Variants in TNS3 observed in about 807,000 individuals in gnomAD.
TNS3 encodes the protein tensin-3.
TNS3 carries 45 observed loss-of-function variants against 140.9 expected under a neutral mutation model. That is an observed-to-expected ratio of 0.32 (90% CI 0.25 to 0.41). The LOEUF (loss-of-function observed/expected upper bound fraction) is 0.41. Among genes scored for constraint, TNS3 ranks in the 10% least tolerant of loss-of-function variants. TNS3 has a pLI of 1.00. For synonymous variants in TNS3, 815 were observed against 788.4 expected, an observed-to-expected ratio of 1.03 and a Z score of -0.56; for missense variants, 1,716 against 1,906.7, an observed-to-expected ratio of 0.90 and a Z score of 1.86.
chr7:47,289,491 G>A (rs1402246394), intron 27 of TNS3, among the ~76,000 whole-genome samples: 1 of 152,144 alleles, frequency 6.6e-6, no homozygotes, highest in African/African-American at 2.4e-5. Flanking sequence ...GGGCCACTAC[G>A]ACTGCATCTA....
rs774074328 is a variant in TNS3 at position 47,303,036 on chromosome 7, G to C, written c.3371C>G (p.Pro1124Arg). Residue 1124 changes from proline to arginine, a missense_variant, in exon 22 of 31, where the codon CCG becomes CGG. This residue lies in a region of TNS3 where 1,163 missense variants were observed against 1,182.1 expected (regional missense o/e 0.98). Transcript: ENST00000311160. ...VSPSSSGFSS[P>R]HSGSTISIPF... ...GATACTGATGGTGCTCCCGCTGTGC[G>C]GGCTGGAGAAGCCACTGGAGGAGGG... 1.2e-5 allele frequency: 19 copies of C among 1,614,034 alleles called. No homozygotes were observed. The highest frequency in any genetic ancestry group is 2.2e-5 in the East Asian group (1 of 44,896).
intron 10 of TNS3, among the ~76,000 whole-genome samples, chr7:47,416,364 C>T (rs1172934530): frequency 6.6e-6 from 1 of 152,152 alleles, no homozygotes; most frequent in African/African-American, 2.4e-5. Flanking sequence ...GTCCCTTATT[C>T]AAGCAGTTAA....
chr7:47,291,150 A>G (rs1345877698), intron 27 of TNS3, among the ~76,000 whole-genome samples: 5 of 152,222 alleles, frequency 3.3e-5, no homozygotes, highest in Non-Finnish European at 1.5e-5. Context: ...GACAATAAAA[A>G]TATGAGTGGT....
intron 4 of TNS3, among the ~76,000 whole-genome samples, chr7:47,474,989 C>T (rs1797133367): frequency 6.6e-6 from 1 of 151,044 alleles, no homozygotes; most frequent in South Asian, 2.1e-4. Context: ...CACTGCAACG[C>T]ACTCAAAGCA....
chr7:47,533,123 A>ATTT (rs35691609), intron 1 of TNS3, among the ~76,000 whole-genome samples: 1 of 88,816 alleles, frequency 1.1e-5, no homozygotes, highest in African/African-American at 6.3e-5. Flanking sequence ...ATATATATAT[A>ATTT]TTTTTTTTTT....
chr7:47,565,843 GC>G (rs1800417219), intron 1 of TNS3, among the ~76,000 whole-genome samples: 1 of 152,172 alleles, frequency 6.6e-6, no homozygotes, highest in Non-Finnish European at 1.5e-5. Flanking sequence ...GGTTCAGGGA[GC>G]TAAAAGGAGT....
intron 16 of TNS3, among the ~76,000 whole-genome samples, chr7:47,381,676 C>A (rs1027650379): frequency 3.9e-5 from 6 of 152,182 alleles, no homozygotes; most frequent in Non-Finnish European, 8.8e-5. Context: ...CCCGAGATGG[C>A]CACATTGGCA....
chr7:47,275,967 C>T lies in TNS3; in HGVS notation c.*2109G>A, dbSNP rs1784853408. 1 of 427,446 alleles carries T rather than the reference C, an allele frequency of 2.3e-6. No homozygotes were observed. The highest frequency in any genetic ancestry group is 4.7e-6 in the Non-Finnish European group (1 of 211,972). 26.5% of individuals were successfully genotyped at this position (427,446 alleles called of 1,614,324 possible). A position where few individuals can be genotyped will look rare whatever the true frequency, so the allele number is the denominator to read the frequency against. ...CTAAATGAGCTCTCTCATCCTTCAT[C>T]AGAAGGATAAGGAACCTGGCCTGCA... is the stretch of plus-strand genomic sequence containing the variant. On this transcript the variant is annotated 3_prime_UTR_variant, in exon 31 of 31. Transcript: ENST00000311160.
chr7:47,325,967 A>G (rs945086177), intron 20 of TNS3, among the ~76,000 whole-genome samples: 1 of 152,132 alleles, frequency 6.6e-6, no homozygotes, highest in Non-Finnish European at 1.5e-5. Flanking sequence ...CCTTTTTAGA[A>G]CCATGCGGAT....
intron 4 of TNS3, among the ~76,000 whole-genome samples, chr7:47,460,695 T>C (rs1256554023): frequency 6.6e-6 from 1 of 152,236 alleles, no homozygotes; most frequent in Non-Finnish European, 1.5e-5. Flanking sequence ...GTGGAAACGT[T>C]GCCTCCTCCT....
chr7:47,562,391 T>G (rs1584859049), intron 1 of TNS3, among the ~76,000 whole-genome samples: 1 of 152,036 alleles, frequency 6.6e-6, no homozygotes, highest in East Asian at 1.9e-4. Context: ...CTGCCTTTTT[T>G]TTTTTTTTTT....
intron 6 of TNS3, 56 bp from the exon 7 acceptor site, chr7:47,437,369 T>C: frequency 1.3e-6 from 1 of 776,442 alleles, no homozygotes; most frequent in Non-Finnish European, 1.8e-6. Flanking sequence ...ATTTTAAAAA[T>C]TAATACTTTA....
chr7:47,379,015 C>A (rs1037941883), intron 16 of TNS3, among the ~76,000 whole-genome samples: 1 of 152,210 alleles, frequency 6.6e-6, no homozygotes, highest in Non-Finnish European at 1.5e-5. Flanking sequence ...GGATTTCAGG[C>A]TCCGGCGCAT....
intron 28 of TNS3, among the ~76,000 whole-genome samples, chr7:47,281,474 A>T (rs1306585759): frequency 6.6e-6 from 1 of 152,228 alleles, no homozygotes; most frequent in African/African-American, 2.4e-5. Context: ...CTGGAGATGA[A>T]GAGAGAGGCC....
chr7:47,428,001 G>C (rs1794744732), intron 9 of TNS3, among the ~76,000 whole-genome samples: 1 of 152,136 alleles, frequency 6.6e-6, no homozygotes, highest in Non-Finnish European at 1.5e-5. Flanking sequence ...TTTTATCTCT[G>C]TTATTTTTTG....
chr7:47,543,982 CT>C (rs1799858699), intron 1 of TNS3, among the ~76,000 whole-genome samples: 1 of 152,222 alleles, frequency 6.6e-6, no homozygotes, highest in African/African-American at 2.4e-5. Context: ...TTCCTTCCCC[CT>C]GACTTTGAGA....
intron 2 of TNS3, among the ~76,000 whole-genome samples, chr7:47,508,933 T>A (rs1333962586): frequency 6.6e-6 from 1 of 152,078 alleles, no homozygotes; most frequent in Admixed American, 6.5e-5. Context: ...CGGAAGCTGG[T>A]CTCCAACCCC....
At chr7:47,429,642 T>G (rs1411936429) in intron 8 of TNS3, among the ~76,000 whole-genome samples, 1 of 152,186 alleles carries the variant, frequency 6.6e-6, no homozygotes, top group Non-Finnish European at 1.5e-5. Context: ...GCTGGGACTA[T>G]GGGACTACAG....
At chr7:47,389,080 A>AGAAGAAGAGGAAGAG (rs1792310225) in intron 16 of TNS3, among the ~76,000 whole-genome samples, 4 of 65,850 alleles carry the variant, frequency 6.1e-5, no homozygotes, top group South Asian at 1.3e-3. Context: ...AAGAAGAAGA[A>AGAAGAAGAGGAAGAG]GAAGAGGAAG....
Sources: gnomAD v4.1 joint callset for allele counts (sites outside exome capture counted in the v4.1 genomes callset) on GRCh38, gnomAD v4.1.1 for gene constraint, gnomAD v4.1.1 regional missense constraint, MANE v1.5 for transcripts, NCBI Gene and HGNC (gene_info 2026-07-23, HGNC 2026-07-21) for gene names.